ZNF787: variants seen among roughly 807,000 people sequenced by gnomAD.
ZNF787 encodes TTF-I-interacting peptide 20.
ZNF787 carries 7 observed loss-of-function variants against 16.9 expected under a neutral mutation model. The ratio of observed to expected loss-of-function variants is 0.42; its 90% CI spans 0.24 to 0.78. ZNF787 has a LOEUF of 0.78. Ranked by LOEUF, ZNF787 falls within the 30% of genes least tolerant of loss-of-function variation. The probability of loss-of-function intolerance (pLI) is 0.30; values close to 1 mark genes in which losing one functional copy is unlikely to be tolerated. For synonymous variants in ZNF787, 345 were observed against 270.9 expected (o/e 1.27, Z -2.69); for missense variants, 551 against 589.3 (o/e 0.94, Z 0.67).
At chr19:56,097,698 G>A (rs548171258) in intron 2 of ZNF787, among the ~76,000 whole-genome samples, 91 of 152,340 alleles carry the variant, frequency 6.0e-4, no homozygotes, top group African/African-American at 2.1e-3. Flanking sequence ...GGCACGGCGC[G>A]AGGGATCAAC....
At chr19:56,112,002 C>T (rs2029993866) in intron 1 of ZNF787, among the ~76,000 whole-genome samples, 1 of 152,148 alleles carries the variant, frequency 6.6e-6, no homozygotes, top group Non-Finnish European at 1.5e-5. Flanking sequence ...TCTTCTTCTC[C>T]CGTCCCTCCA....
At chr19:56,119,108 A>T (rs2030216051) in intron 1 of ZNF787, among the ~76,000 whole-genome samples, 1 of 152,116 alleles carries the variant, frequency 6.6e-6, no homozygotes, top group Non-Finnish European at 1.5e-5. Flanking sequence ...GATTCCTGCC[A>T]GGCTGCCCAG....
intron 1 of ZNF787, among the ~76,000 whole-genome samples, chr19:56,114,596 C>T (rs1028353929): frequency 8.5e-5 from 13 of 152,176 alleles, no homozygotes; most frequent in Non-Finnish European, 1.5e-4. Context: ...CAAGGGTCTA[C>T]TCAAATGTCA....
At chr19:56,103,319 G>A (rs1000407915) in intron 1 of ZNF787, 92 bp from the exon 2 acceptor site, 30 of 1,153,308 alleles carry the variant, frequency 2.6e-5, no homozygotes, top group South Asian at 4.8e-5. Context: ...AGACCCCGGC[G>A]TGACAGGCAC....
intron 1 of ZNF787, among the ~76,000 whole-genome samples, chr19:56,105,055 G>A (rs1055415592): frequency 6.6e-6 from 1 of 152,190 alleles, no homozygotes; most frequent in African/African-American, 2.4e-5. Flanking sequence ...TGAAACCCAG[G>A]AGGCAGAGGT....
rs780078284 is a variant in ZNF787 at position 56,088,068 on chromosome 19, G to A, written c.1104C>T (p.Ala368=). The A allele has an allele frequency of 9.2e-6, 12 of 1,307,224 alleles. No individual in the cohort carries two copies. The highest frequency in any genetic ancestry group is 1.6e-5 in the African/African-American group (1 of 61,270). 81.0% of individuals were successfully genotyped at this position (1,307,224 alleles called of 1,614,324 possible). A position where few individuals can be genotyped will look rare whatever the true frequency, so the allele number is the denominator to read the frequency against. Reference sequence around the variant, plus strand: ...GGCACTCGGGGCACCGCCCGCCCGCGGCCTCGTCGTCGTCGTCCTCCTCCT... The same window carrying A: ...GGCACTCGGGGCACCGCCCGCCCGCAGCCTCGTCGTCGTCGTCCTCCTCCT... ...GGEEEDDDDE[A]AGGRCPECRG... is the part of the protein sequence containing the mutation. Residue 368 remains alanine, a synonymous_variant, in exon 3 of 3, where the codon GCC becomes GCT. Transcript: ENST00000610935. The surrounding 1 kb of genome is among the most constrained non-coding windows in gnomAD (Gnocchi z 8.6).
At chr19:56,099,354 G>C (rs1028314273) in intron 2 of ZNF787, among the ~76,000 whole-genome samples, 2 of 152,206 alleles carry the variant, frequency 1.3e-5, no homozygotes, top group African/African-American at 4.8e-5. Context: ...GCAGGGGAGG[G>C]GACATGGGGA....
At position 56,100,894 on chromosome 19, in the gene ZNF787, C is replaced by T. The variant is rs186577319; in HGVS notation, c.79+2245G>A. On this transcript the variant is annotated intron_variant, in intron 2 of 2. Coordinates refer to ENST00000610935, the MANE Select transcript of ZNF787 (RefSeq NM_001002836.4). ...GGACGCATGTAGGCGGGACTCCATA[C>T]GCCATGGCCAGGCCAACCCCCACCA... 7.8e-4 allele frequency among the ~76,000 whole-genome samples: 103 copies of T among 131,720 alleles called. 5 individuals are homozygous for T. The highest frequency in any genetic ancestry group is 2.4e-3 in the African/African-American group (83 of 33,878). 86.4% of individuals were successfully genotyped at this position (131,720 alleles called of 152,430 possible). A position where few individuals can be genotyped will look rare whatever the true frequency, so the allele number is the denominator to read the frequency against.
chr19:56,095,154 C>G (rs909243723), intron 2 of ZNF787, among the ~76,000 whole-genome samples: 1 of 152,168 alleles, frequency 6.6e-6, no homozygotes, highest in Non-Finnish European at 1.5e-5. Context: ...ACCTAGACCC[C>G]TCATATGTGC....
At chr19:56,118,059 G>A (rs2030188125) in intron 1 of ZNF787, among the ~76,000 whole-genome samples, 1 of 152,250 alleles carries the variant, frequency 6.6e-6, no homozygotes, top group South Asian at 2.1e-4. Flanking sequence ...TCCCTTGCAG[G>A]AACAGACAGG....
chr19:56,099,634 C>G (rs977642432), intron 2 of ZNF787, among the ~76,000 whole-genome samples: 2 of 146,246 alleles, frequency 1.4e-5, no homozygotes, highest in African/African-American at 5.1e-5. Context: ...TCGCTTGAAC[C>G]TGGGAGGTGG....
chr19:56,106,066 C>T (rs1031291313), intron 1 of ZNF787, among the ~76,000 whole-genome samples: 4 of 149,752 alleles, frequency 2.7e-5, no homozygotes, highest in Non-Finnish European at 4.5e-5. Flanking sequence ...TTCCGCCCTC[C>T]GCGCCCACGG....
chr19:56,094,697 C>T (rs1484380843), intron 2 of ZNF787, among the ~76,000 whole-genome samples: 1 of 152,176 alleles, frequency 6.6e-6, no homozygotes, highest in African/African-American at 2.4e-5. Context: ...CAGCGGCCCC[C>T]AACCTTTTTG....
intron 1 of ZNF787, among the ~76,000 whole-genome samples, chr19:56,112,668 C>A (rs2123426595): frequency 6.6e-6 from 1 of 151,618 alleles, no homozygotes; most frequent in East Asian, 2.0e-4. Flanking sequence ...CTTATTCCTT[C>A]CCCTCTACTT....
At chr19:56,094,820 C>T (rs1985807879) in intron 2 of ZNF787, among the ~76,000 whole-genome samples, 1 of 152,082 alleles carries the variant, frequency 6.6e-6, no homozygotes, top group Admixed American at 6.6e-5. Context: ...GCATTAGATT[C>T]TCATAAGGGA....
chr19:56,102,042 C>G (rs897303690), intron 2 of ZNF787: 4 of 152,218 alleles, frequency 2.6e-5, no homozygotes, highest in Non-Finnish European at 1.5e-5. Context: ...CAGCCCCGCC[C>G]ACAGGGAGCT....
intron 1 of ZNF787, among the ~76,000 whole-genome samples, chr19:56,112,326 G>A (rs1330986723): frequency 6.6e-6 from 1 of 152,098 alleles, no homozygotes; most frequent in Non-Finnish European, 1.5e-5. Flanking sequence ...TTCTCAGTCG[G>A]GGTCTCAGGC....
chr19:56,117,273 A>C (rs592827), intron 1 of ZNF787, among the ~76,000 whole-genome samples: 84,406 of 89,416 alleles, frequency 0.94, 40,426 homozygotes, highest in African/African-American at 0.99. Context: ...GAGGCTTTCA[A>C]AAGCGGAGTG....
intron 2 of ZNF787, among the ~76,000 whole-genome samples, chr19:56,096,501 G>C (rs1340063116): frequency 6.6e-6 from 1 of 151,682 alleles, no homozygotes; most frequent in Non-Finnish European, 1.5e-5. Context: ...GATCACGAGG[G>C]CAGCAATTTG....
Sources: gnomAD v4.1 joint callset for allele counts (sites outside exome capture counted in the v4.1 genomes callset) on GRCh38, gnomAD v4.1.1 for gene constraint, Gnocchi (gnomAD v3.1) non-coding constraint, MANE v1.5 for transcripts, NCBI Gene and HGNC (gene_info 2026-07-23, HGNC 2026-07-21) for gene names.